Variants in NCAM1 observed in about 807,000 individuals in gnomAD.
NCAM1 encodes neural cell adhesion molecule 1.
Under a neutral mutation model 109.8 loss-of-function variants are expected in NCAM1, and 14 were observed. The ratio of observed to expected loss-of-function variants is 0.13; its 90% CI spans 0.08 to 0.20. The LOEUF (loss-of-function observed/expected upper bound fraction) is 0.20, where lower values mean the gene tolerates loss of function less well. Among genes scored for constraint, NCAM1 ranks in the 10% least tolerant of loss-of-function variants. The probability of loss-of-function intolerance (pLI) is 1.00; values close to 1 mark genes in which losing one functional copy is unlikely to be tolerated. For synonymous variants in NCAM1, 418 were observed against 442.9 expected, an observed-to-expected ratio of 0.94 and a Z score of 0.70; for missense variants, 774 against 1,109.9, an observed-to-expected ratio of 0.70 and a Z score of 4.30.
At chr11:113,128,419 C>T (rs1941262884) in intron 1 of NCAM1, among the ~76,000 whole-genome samples, 1 of 152,192 alleles carries the variant, frequency 6.6e-6, no homozygotes, top group African/African-American at 2.4e-5. Flanking sequence ...CACTTCTTCT[C>T]CAGGAGCTTT....
intron 1 of NCAM1, among the ~76,000 whole-genome samples, chr11:113,033,378 T>C (rs1241708147): frequency 6.6e-6 from 1 of 152,034 alleles, no homozygotes; most frequent in Non-Finnish European, 1.5e-5. Flanking sequence ...CAGATGGGGG[T>C]GGAGTTGGGG....
At position 113,154,723 on chromosome 11, in the gene NCAM1, T is replaced by C. The variant is rs147936109; in HGVS notation, c.53-47656T>C. Among the ~76,000 whole-genome samples, 306 of 152,242 alleles carry C rather than the reference T, an allele frequency of 2.0e-3. 1 individual carries two copies. Among genetic ancestry groups the C allele is most frequent in the African/African-American group, 6.9e-3 (287 of 41,524 alleles). The stretch of plus-strand genomic sequence containing the variant: ...GAAGTTCATACCTGGTCACCTTACT[T>C]TCTTGATAAAGGAAGAAGGCATCTG... On this transcript the variant is annotated intron_variant, in intron 1 of 19. Transcript: ENST00000316851.
At chr11:113,110,060 T>G (rs1387483919) in intron 1 of NCAM1, among the ~76,000 whole-genome samples, 3 of 152,234 alleles carry the variant, frequency 2.0e-5, no homozygotes, top group Non-Finnish European at 4.4e-5. Flanking sequence ...CCAAAGTGCA[T>G]GGAGCTAATA....
At chr11:113,208,126 C>G (rs540687349) in intron 7 of NCAM1, 124 bp downstream of exon 7, 1 of 1,136,574 alleles carries the variant, frequency 8.8e-7, no homozygotes, top group Admixed American at 2.3e-5. Context: ...CATTTCTTGC[C>G]AGTTCCACCA....
chr11:113,078,827 G>C (rs1228466680), intron 1 of NCAM1, among the ~76,000 whole-genome samples: 1 of 152,122 alleles, frequency 6.6e-6, no homozygotes, highest in Non-Finnish European at 1.5e-5. Flanking sequence ...CTGTCCAGTG[G>C]CTCGTGGCTG....
chr11:113,192,097 G>C (rs1009048105), intron 1 of NCAM1, among the ~76,000 whole-genome samples: 29 of 152,246 alleles, frequency 1.9e-4, no homozygotes, highest in African/African-American at 6.5e-4. Context: ...GCAGTTGAGA[G>C]AGAGGGAAAT....
intron 17 of NCAM1, 55 bp downstream of exon 17, chr11:113,260,378 T>G: frequency 2.6e-6 from 4 of 1,559,994 alleles, no homozygotes; most frequent in East Asian, 2.2e-5. Context: ...GCACAAGTGC[T>G]GCACCTCCTA....
At chr11:113,248,530 A>C (rs1304534955) in intron 15 of NCAM1, among the ~76,000 whole-genome samples, 2 of 152,076 alleles carry the variant, frequency 1.3e-5, no homozygotes, top group African/African-American at 4.8e-5. Context: ...TTGGGCCTCA[A>C]TGAGAAAAGT....
At chr11:113,191,393 T>C (rs189471505) in intron 1 of NCAM1, among the ~76,000 whole-genome samples, 1 of 152,322 alleles carries the variant, frequency 6.6e-6, no homozygotes, top group East Asian at 1.9e-4. Flanking sequence ...GGAGACAGTG[T>C]TTTTCTTTTC....
At chr11:113,047,381 G>A (rs1260922687) in intron 1 of NCAM1, among the ~76,000 whole-genome samples, 1 of 152,066 alleles carries the variant, frequency 6.6e-6, no homozygotes, top group Admixed American at 6.6e-5. Context: ...AAGCAATACT[G>A]TAAAAATATT....
intron 1 of NCAM1, among the ~76,000 whole-genome samples, chr11:113,033,440 G>A (rs558578939): frequency 6.6e-6 from 1 of 152,136 alleles, no homozygotes; most frequent in Non-Finnish European, 1.5e-5. Context: ...AATGAAGACT[G>A]ATGAAAGATT....
chr11:113,065,857 C>G (rs1171506947), intron 1 of NCAM1, among the ~76,000 whole-genome samples: 1 of 152,166 alleles, frequency 6.6e-6, no homozygotes, highest in East Asian at 1.9e-4. Flanking sequence ...TTAATTACAA[C>G]AAATATACCA....
At chr11:113,122,877 C>G (rs897632115) in intron 1 of NCAM1, among the ~76,000 whole-genome samples, 3 of 152,226 alleles carry the variant, frequency 2.0e-5, no homozygotes, top group Admixed American at 6.5e-5. Context: ...TCCATTCCCT[C>G]CAGCACCTGC....
chr11:113,077,077 T>G (rs1408792177), intron 1 of NCAM1, among the ~76,000 whole-genome samples: 1 of 152,198 alleles, frequency 6.6e-6, no homozygotes, highest in African/African-American at 2.4e-5. Flanking sequence ...TTTGAGCATC[T>G]CTTGTGCCAG....
At chr11:113,047,557 T>C (rs1394462174) in intron 1 of NCAM1, among the ~76,000 whole-genome samples, 1 of 152,200 alleles carries the variant, frequency 6.6e-6, no homozygotes, top group East Asian at 1.9e-4. Context: ...GCACTGTTCC[T>C]GGTGTCCCTG....
chr11:113,230,005 C>G (rs1257627339), intron 9 of NCAM1, among the ~76,000 whole-genome samples: 1 of 151,820 alleles, frequency 6.6e-6, no homozygotes, highest in Non-Finnish European at 1.5e-5. Context: ...ATGGGTGCAG[C>G]ACACCAACAT....
chr11:113,026,711 G>A (rs1444954198), intron 1 of NCAM1, among the ~76,000 whole-genome samples: 1 of 152,166 alleles, frequency 6.6e-6, no homozygotes, highest in Non-Finnish European at 1.5e-5. Context: ...TCATCTTGGA[G>A]TCTGTGTCTA....
At chr11:113,085,733 A>C (rs1363701101) in intron 1 of NCAM1, among the ~76,000 whole-genome samples, 9 of 152,148 alleles carry the variant, frequency 5.9e-5, no homozygotes, top group African/African-American at 2.2e-4. Context: ...GAGGACCCTT[A>C]AAGAAGGGAT....
chr11:113,237,903 T>C (rs1219110095), intron 14 of NCAM1, among the ~76,000 whole-genome samples: 3 of 17,150 alleles, frequency 1.7e-4, no homozygotes, highest in Non-Finnish European at 4.5e-4. Flanking sequence ...TATAGATATA[T>C]AGATATATAT....
Sources: allele counts gnomAD v4.1 joint callset (sites outside exome capture counted in the v4.1 genomes callset), GRCh38; gene constraint gnomAD v4.1.1; transcripts MANE v1.5; gene names NCBI Gene and HGNC (gene_info 2026-07-23, HGNC 2026-07-21).